CNTN2: variants seen among roughly 807,000 people sequenced by gnomAD.
CNTN2 encodes contactin 2, also known as contactin-2.
In CNTN2, 53 loss-of-function variants were observed where a neutral mutation model predicts 117.5. The observed-to-expected ratio is 0.45, with a 90% confidence interval of 0.36 to 0.57. The LOEUF is 0.57. Among genes scored for constraint, CNTN2 ranks in the 20% least tolerant of loss-of-function variants. CNTN2 has a pLI of 0.00. For synonymous variants in CNTN2, 530 were observed against 561.7 expected (o/e 0.94, Z 0.80); for missense variants, 1,106 against 1,404.3 (o/e 0.79, Z 3.39).
chr1:205,061,293 G>A lies in CNTN2; in HGVS notation c.846G>A (p.Pro282=), dbSNP rs180849149. 62 of 1,613,926 alleles carry A rather than the reference G, an allele frequency of 3.8e-5. No individual in the cohort carries two copies. The highest frequency in any genetic ancestry group is 3.3e-4 in the Middle Eastern group (2 of 6,052). The change falls in exon 8 of 23, where the codon CCG becomes CCA. Residue 282 remains proline, a synonymous_variant. Coordinates refer to ENST00000331830, the MANE Select transcript of CNTN2 (RefSeq NM_005076.5). This position sits in a 1 kb window ranked among gnomAD's most constrained non-coding sequence, Gnocchi z 4.8. ...GCAAAGTGGACGGCTCCCTGTCCCC[G>A]CAGTGGACCACAGCTGAGCCCACCC... ...KWRKVDGSLS[P]QWTTAEPTLQ...
At chr1:205,056,154 G>A (rs926455621) in intron 2 of CNTN2, among the ~76,000 whole-genome samples, 10 of 152,130 alleles carry the variant, frequency 6.6e-5, no homozygotes, top group African/African-American at 9.7e-5. Context: ...AAGGTTTCTC[G>A]GGAAGAAAGA....
In CNTN2 at chr1:205,067,105, T is replaced by C. The variant is rs760622164; in HGVS notation, c.1980T>C (p.Pro660=). Reference sequence around the variant, plus strand: ...GGACTCCCTGGTGCCTTGCAGATCCTGCAAACATCGAGGGCAATGCCGAGA... The same window carrying C: ...GGACTCCCTGGTGCCTTGCAGATCCCGCAAACATCGAGGGCAATGCCGAGA... ...AGKWKQVRTN[P]ANIEGNAETA... is the part of the protein sequence containing the mutation. The change falls in exon 16 of 23, where the codon CCT becomes CCC. Residue 660 remains proline, a synonymous_variant. Coordinates refer to ENST00000331830, the MANE Select transcript of CNTN2 (RefSeq NM_005076.5). 10 of 1,609,130 alleles carry C rather than the reference T, an allele frequency of 6.2e-6. No homozygotes were observed. The East Asian group carries it at 2.2e-4, about 36-fold the overall frequency.
intron 16 of CNTN2, chr1:205,068,745 A>G (rs894772018): frequency 1.3e-5 from 2 of 152,240 alleles, no homozygotes; most frequent in African/African-American, 4.8e-5. Flanking sequence ...CAAATGGCCA[A>G]TGTGTTTAAG....
intron 10 of CNTN2, chr1:205,063,288 A>T (rs2151193318): frequency 6.6e-6 from 1 of 152,338 alleles, no homozygotes; most frequent in East Asian, 1.9e-4. Context: ...ATAAACCCCA[A>T]ATCAAACAAT....
intron 9 of CNTN2, 139 bp from the exon 10 acceptor site, chr1:205,062,301 T>A: frequency 8.0e-7 from 1 of 1,253,242 alleles, no homozygotes; most frequent in African/African-American, 1.5e-5. Flanking sequence ...CAGGCAGCCC[T>A]GAGGTAGGAC....
rs763492479 is a variant in CNTN2 at position 205,058,034 on chromosome 1, C to G, written c.184C>G (p.Arg62Gly). 1 of 1,613,522 alleles carries G rather than the reference C, an allele frequency of 6.2e-7. No homozygotes were observed. Among genetic ancestry groups the G allele is most frequent in the East Asian group, 2.2e-5 (1 of 44,852 alleles). The change falls in exon 3 of 23, where the codon CGC becomes GGC. Residue 62 changes from arginine (R) to glycine (G), a missense_variant. Transcript: ENST00000331830. This position sits in a 1 kb window ranked among gnomAD's most constrained non-coding sequence, Gnocchi z 4.3. ...GGAGGAGCAGGTGTTGCTGGCATGCCGCGCCCGGGCCAGCCCTCCAGCCAC... is the reference window on the plus strand; with the variant it reads ...GGAGGAGCAGGTGTTGCTGGCATGCGGCGCCCGGGCCAGCCCTCCAGCCAC... Reference protein sequence around the residue: ...STEEQVLLACRARASPPATYR... With the variant: ...STEEQVLLACGARASPPATYR...
At chr1:205,071,887 G>A (rs11240349) in intron 19 of CNTN2, 60 bp from the exon 20 acceptor site, 619,638 of 1,493,962 alleles carry the variant, frequency 0.41, 139,709 homozygotes, top group Non-Finnish European at 0.47. Flanking sequence ...TGTGGGGGCC[G>A]GGGCAGCCCT....
intron 1 of CNTN2, among the ~76,000 whole-genome samples, chr1:205,051,903 T>C (rs2096453637): frequency 6.6e-6 from 1 of 152,208 alleles, no homozygotes; most frequent in Non-Finnish European, 1.5e-5. Context: ...TTAGGTCCTC[T>C]GCAGCCTTCT....
rs940259644 is a variant in CNTN2 at position 205,074,977 on chromosome 1, T to C, written c.*1212T>C. ...TCCTGAGCTCTGGGTATACTACCAGTCACAGAACGTCAGAGCTGGAAGAAG... is the reference window on the plus strand; with the variant it reads ...TCCTGAGCTCTGGGTATACTACCAGCCACAGAACGTCAGAGCTGGAAGAAG... On this transcript the variant is annotated 3_prime_UTR_variant, in exon 23 of 23. Coordinates refer to ENST00000331830, the MANE Select transcript of CNTN2 (RefSeq NM_005076.5). The C allele has an allele frequency of 6.3e-5, 25 of 398,248 alleles. No individual in the cohort carries two copies. The highest frequency in any genetic ancestry group is 3.5e-5 in the Non-Finnish European group (8 of 226,072). 24.7% of individuals were successfully genotyped at this position (398,248 alleles called of 1,614,324 possible).
rs968953859 is a variant in CNTN2, at chr1:205,073,336, G to C, written c.3013+100G>C. On this transcript the variant is annotated intron_variant, in intron 22 of 22. Transcript: ENST00000331830. This position sits in a 1 kb window ranked among gnomAD's most constrained non-coding sequence, Gnocchi z 6.3. ...CCCAGGCCAACTCCAATCTCTACCC[G>C]CAAAGGAAAGTGGAAGGCAGGCAGG... 7.1e-7 allele frequency: 1 copy of C among 1,412,340 alleles called. No individual in the cohort carries two copies. Among genetic ancestry groups the C allele is most frequent in the Non-Finnish European group, 9.7e-7 (1 of 1,032,420 alleles). 87.5% of individuals were successfully genotyped at this position (1,412,340 alleles called of 1,614,324 possible). A position where few individuals can be genotyped will look rare whatever the true frequency, so the allele number is the denominator to read the frequency against.
rs41264871 is a variant in CNTN2, at chr1:205,066,599, A to C, written c.1975A>C (p.Asn659His). ...AGGGAAGTGGAAGCAGGTTCGGACC[A>C]GTAAGTGTGAGCCCCACCTGGGTCA... ...PAGKWKQVRT[N>H]PANIEGNAET... The change falls in exon 15 of 23, where the codon AAT becomes CAT. Residue 659 changes from asparagine (N) to histidine (H), a missense_variant and splice_region_variant. Transcript: ENST00000331830. 1.2e-6 allele frequency: 2 copies of C among 1,613,774 alleles called. No individual in the cohort carries two copies. Among genetic ancestry groups the C allele is most frequent in the East Asian group, 4.5e-5 (2 of 44,890 alleles).
chr1:205,066,724 C>A, intron 15 of CNTN2, 125 bp downstream of exon 15: 1 of 1,122,652 alleles, frequency 8.9e-7, no homozygotes, highest in Non-Finnish European at 1.3e-6. Context: ...CAAAGAGGGA[C>A]AAGATCTGTC....
Position 205,059,722 on chromosome 1 carries a change from C to CG in CNTN2, c.797+45dup, listed in dbSNP as rs781325253. 7.0e-6 allele frequency: 11 copies of CG among 1,573,176 alleles called. No individual in the cohort carries two copies. In the East Asian group the frequency reaches 2.5e-4, roughly 35 times the overall value. Reference sequence around the variant, plus strand: ...GGAGGGGAAGCAGAGCACGGTCTCTCGGGGGCACAGGTGACCCCAGGGTGA... The same window carrying CG: ...GGAGGGGAAGCAGAGCACGGTCTCTCGGGGGGCACAGGTGACCCCAGGGTGA... On this transcript the variant is annotated intron_variant, in intron 7 of 22. Transcript: ENST00000331830. This position sits in a 1 kb window ranked among gnomAD's most constrained non-coding sequence, Gnocchi z 5.6.
Position 205,065,326 on chromosome 1 carries a change from T to C in CNTN2, c.1695+64T>C. 6.4e-7 allele frequency: 1 copy of C among 1,567,172 alleles called. No homozygotes were observed. Among genetic ancestry groups the C allele is most frequent in the South Asian group, 1.1e-5 (1 of 88,004 alleles). ...TTCTAGAGAGACAGGGGCCCCAAGA[T>C]GTCCTTAGCCATCCTCACCTTTAAG... On this transcript the variant is annotated intron_variant, in intron 13 of 22. Coordinates refer to ENST00000331830, the MANE Select transcript of CNTN2 (RefSeq NM_005076.5). The surrounding 1 kb of genome is among the most constrained non-coding windows in gnomAD (Gnocchi z 4.1).
Position 205,059,890 on chromosome 1 carries a change from C to A in CNTN2, c.797+208C>A. On this transcript the variant is annotated intron_variant, in intron 7 of 22. Transcript: ENST00000331830. The surrounding 1 kb of genome is among the most constrained non-coding windows in gnomAD (Gnocchi z 5.6). The stretch of plus-strand genomic sequence containing the variant: ...GCATATGCCAGGGGCCTTCCATGGC[C>A]AGGATCACTTGGTCTTCCAGCAGTG... The A allele has an allele frequency of 1.7e-6, 1 of 572,674 alleles. No individual in the cohort carries two copies. Among genetic ancestry groups the A allele is most frequent in the Non-Finnish European group, 3.1e-6 (1 of 318,936 alleles). 35.5% of individuals were successfully genotyped at this position (572,674 alleles called of 1,614,324 possible).
rs762201248 is a variant in CNTN2, at chr1:205,062,597, TC to T, written c.1240+31del. On this transcript the variant is annotated intron_variant, in intron 10 of 22. Transcript: ENST00000331830. ...AAGGGGCCCAGGGAGGCAGGGGACA[TC>T]CCAAGGACATGCATATGGTGGCTTT... 3.7e-6 allele frequency: 6 copies of T among 1,601,534 alleles called. No homozygotes were observed. The Admixed American group carries it at 1.0e-4, about 27-fold the overall frequency.
chr1:205,064,977 A>C, intron 12 of CNTN2, 110 bp from the exon 13 acceptor site: 1 of 1,260,736 alleles, frequency 7.9e-7, no homozygotes, highest in African/African-American at 1.5e-5. Context: ...GGGTCACACC[A>C]CCTCTTCTCT....
At chr1:205,045,525 C>G (rs2096440096) in intron 1 of CNTN2, among the ~76,000 whole-genome samples, 2 of 152,188 alleles carry the variant, frequency 1.3e-5, no homozygotes, top group Admixed American at 1.3e-4. Context: ...ACCAGGGAAG[C>G]AACGCATTTG....
intron 2 of CNTN2, among the ~76,000 whole-genome samples, chr1:205,054,581 C>G (rs2096458094): frequency 6.6e-6 from 1 of 152,194 alleles, no homozygotes; most frequent in Non-Finnish European, 1.5e-5. Flanking sequence ...TGGATCCACA[C>G]CATCTGAGGA....
Sources: allele counts gnomAD v4.1 joint callset (sites outside exome capture counted in the v4.1 genomes callset), GRCh38; gene constraint gnomAD v4.1.1; non-coding constraint Gnocchi (gnomAD v3.1); transcripts MANE v1.5; gene names NCBI Gene and HGNC (gene_info 2026-07-23, HGNC 2026-07-21).